SLC12A7: variants seen among roughly 807,000 people sequenced by gnomAD.
SLC12A7 encodes K-Cl cotransporter 4.
A neutral mutation model predicts 120.6 loss-of-function variants in SLC12A7; 100 were observed. The observed-to-expected ratio is 0.83, with a 90% CI of 0.71 to 0.98. SLC12A7 has a LOEUF of 0.98. Among genes scored for constraint, SLC12A7 ranks in the 50% least tolerant of loss-of-function variants. The pLI, the probability that SLC12A7 is intolerant of heterozygous loss-of-function variation, is 0.00. For synonymous variants in SLC12A7, 760 were observed against 678.0 expected (o/e 1.12, Z -1.88); for missense variants, 1,373 against 1,548.1 (o/e 0.89, Z 1.90).
chr5:1,116,449 G>C (rs1743323745), upstream of SLC12A7, among the ~76,000 whole-genome samples: 3 of 152,236 alleles, frequency 2.0e-5, no homozygotes, highest in South Asian at 6.2e-4. Context: ...TCTGGGAATA[G>C]AAGGGGCCTC....
intron 17 of SLC12A7, among the ~76,000 whole-genome samples, chr5:1,069,028 C>A (rs1737353316): frequency 6.6e-6 from 1 of 152,170 alleles, no homozygotes; most frequent in Non-Finnish European, 1.5e-5. Flanking sequence ...GGGACCAGGA[C>A]CGTGAACATC....
chr5:1,095,894 C>T (rs13186688), intron 1 of SLC12A7, among the ~76,000 whole-genome samples: 47,722 of 152,046 alleles, frequency 0.31, 9,339 homozygotes, highest in Non-Finnish European at 0.44. Flanking sequence ...GTCCTTGGTG[C>T]GACCATGAGT....
chr5:1,093,565 C>A lies in SLC12A7; in HGVS notation c.310G>T (p.Glu104Ter). 1 of 1,605,912 alleles carries A rather than the reference C, an allele frequency of 6.2e-7. No individual in the cohort carries two copies. Residue 104 changes from glutamate (E) to a stop codon, truncating the protein, a stop_gained, in exon 3 of 24, where the codon GAG becomes TAG. Coordinates refer to ENST00000264930, the MANE Select transcript of SLC12A7 (RefSeq NM_006598.3). LOFTEE classifies it high-confidence loss of function. ...NLSQGVVEHE[E>*]DEESRRREAK... ...TCCCGCCGCCGGCTCTCCTCGTCCT[C>A]CTCGTGCTCCACCACGCCCTGGCTC...
the SLC12A7 span, among the ~76,000 whole-genome samples, chr5:1,151,608 C>T: frequency 6.6e-6 from 1 of 152,174 alleles, no homozygotes; most frequent in Non-Finnish European, 1.5e-5. The surrounding 1 kb of genome is among the most constrained non-coding windows in gnomAD (Gnocchi z 6.2). Context: ...GGGTGAAAAC[C>T]ACCAGAACCA....
chr5:1,077,499 C>T (rs181020068), intron 12 of SLC12A7, among the ~76,000 whole-genome samples: 214 of 152,326 alleles, frequency 1.4e-3, no homozygotes, highest in African/African-American at 5.0e-3. Flanking sequence ...AGCTCAGCCA[C>T]ACAGAGAAAG....
chr5:1,053,824 T>C (rs940600798), intron 22 of SLC12A7, among the ~76,000 whole-genome samples: 7 of 152,218 alleles, frequency 4.6e-5, no homozygotes, highest in Admixed American at 1.3e-4. Flanking sequence ...GGCAGAACAG[T>C]GGAAGCCGTC....
At chr5:1,117,687 A>C in the SLC12A7 span, among the ~76,000 whole-genome samples, 3 of 152,192 alleles carry the variant, frequency 2.0e-5, no homozygotes, top group Admixed American at 6.5e-5. The surrounding 1 kb of genome is among the most constrained non-coding windows in gnomAD (Gnocchi z 4.5). Flanking sequence ...TCCGCACAAA[A>C]GGACAGCTTC....
chr5:1,101,656 C>T (rs1381947161), intron 1 of SLC12A7, among the ~76,000 whole-genome samples: 1 of 152,174 alleles, frequency 6.6e-6, no homozygotes, highest in Non-Finnish European at 1.5e-5. Context: ...AAAACGACCC[C>T]AGGTAAGCAA....
At position 1,075,425 on chromosome 5, in the gene SLC12A7, G is replaced by A. The variant is rs1278491757; in HGVS notation, c.1913C>T (p.Ala638Val). The A allele has an allele frequency of 6.2e-6, 10 of 1,612,578 alleles. No homozygotes were observed. The highest frequency in any genetic ancestry group is 2.2e-5 in the South Asian group (2 of 91,078). Reference protein sequence around the residue: ...ALMFICSWYYALSAMLIAGCI... With the variant: ...ALMFICSWYYVLSAMLIAGCI... ...GCCAGCGATGAGCATGGCGGACAGC[G>A]CGTAGTACCAGGAGCAGATGAACAT... The change falls in exon 15 of 24, where the codon GCG becomes GTG. Residue 638 changes from alanine to valine, a missense_variant. By Grantham distance (64) the Ala-to-Val change is moderately conservative. Coordinates refer to ENST00000264930, the MANE Select transcript of SLC12A7 (RefSeq NM_006598.3).
intron 9 of SLC12A7, 117 bp downstream of exon 9, chr5:1,081,460 T>A: frequency 9.4e-7 from 1 of 1,066,568 alleles, no homozygotes; most frequent in East Asian, 2.6e-5. Context: ...GAGTTGAGGC[T>A]GCAGTGAGCC....
At chr5:1,114,552 A>G (rs1411352226), upstream of SLC12A7, among the ~76,000 whole-genome samples, 1 of 152,038 alleles carries the variant, frequency 6.6e-6, no homozygotes, top group Non-Finnish European at 1.5e-5. Flanking sequence ...GCGTTGTGTG[A>G]CTTTCAGTGC....
At chr5:1,124,260 C>T in the SLC12A7 span, among the ~76,000 whole-genome samples, 1 of 152,144 alleles carries the variant, frequency 6.6e-6, no homozygotes, top group Non-Finnish European at 1.5e-5. Flanking sequence ...CTTTCAAAGA[C>T]CACCTAATCC....
intron 3 of SLC12A7, among the ~76,000 whole-genome samples, chr5:1,092,042 G>A (rs908479999): frequency 1.1e-4 from 16 of 152,258 alleles, no homozygotes; most frequent in African/African-American, 3.6e-4. Flanking sequence ...AGCCAGGGCT[G>A]AGGGCCCTCA....
chr5:1,099,636 CCA>C (rs1741800210), intron 1 of SLC12A7, among the ~76,000 whole-genome samples: 2 of 152,238 alleles, frequency 1.3e-5, no homozygotes, highest in Non-Finnish European at 2.9e-5. Flanking sequence ...TGACTTATCT[CCA>C]CATTTAAGGG....
Position 1,086,972 on chromosome 5 carries a change from G to A in SLC12A7, c.606C>T (p.Gly202=), listed in dbSNP as rs754047657. The change falls in exon 6 of 24, where the codon GGC becomes GGT. Residue 202 remains glycine, a synonymous_variant. Coordinates refer to ENST00000264930, the MANE Select transcript of SLC12A7 (RefSeq NM_006598.3). Reference sequence around the variant, plus strand: ...ACGTCGTGCCCAGGTAGAAGCAGAGGCCGACAGCGCCTCCAAACTCGGGTC... The same window carrying A: ...ACGTCGTGCCCAGGTAGAAGCAGAGACCGACAGCGCCTCCAAACTCGGGTC... The part of the protein sequence containing the change: ...SLGPEFGGAV[G]LCFYLGTTFA... 9 of 1,612,738 alleles carry A rather than the reference G, an allele frequency of 5.6e-6. No homozygotes were observed. The highest frequency in any genetic ancestry group is 7.6e-6 in the Non-Finnish European group (9 of 1,180,008).
At chr5:1,141,826 G>C in the SLC12A7 span, among the ~76,000 whole-genome samples, 13 of 152,056 alleles carry the variant, frequency 8.5e-5, no homozygotes, top group African/African-American at 9.6e-5. Context: ...CGCCGGGACA[G>C]ATCAACAGAT....
At chr5:1,132,251 G>A in the SLC12A7 span, among the ~76,000 whole-genome samples, 2 of 152,196 alleles carry the variant, frequency 1.3e-5, no homozygotes, top group East Asian at 3.9e-4. Context: ...CGGCAACGTC[G>A]GGAAGCTACC....
At chr5:1,149,227 G>A in the SLC12A7 span, among the ~76,000 whole-genome samples, 1 of 149,964 alleles carries the variant, frequency 6.7e-6, no homozygotes. Context: ...CCCACAAGCA[G>A]CGCACAAGGG....
In SLC12A7 at chr5:1,064,345, G is replaced by A. The variant is rs192946976; in HGVS notation, c.2438-93C>T. 795 of 1,419,670 alleles carry A rather than the reference G, an allele frequency of 5.6e-4. 1 individual carries two copies. Among genetic ancestry groups the A allele is most frequent in the Non-Finnish European group, 6.8e-4 (727 of 1,071,318 alleles). The allele number at this position is 1,419,670 out of a possible 1,614,324, so 87.9% of individuals were successfully genotyped here. On this transcript the variant is annotated intron_variant, in intron 18 of 23. Coordinates refer to ENST00000264930, the MANE Select transcript of SLC12A7 (RefSeq NM_006598.3). ...TCACAGCCAGTGCAGGGGCGGGCACGGCGAGGCGAGGGGGGTCCCCACAAA... is the reference window on the plus strand; with the variant it reads ...TCACAGCCAGTGCAGGGGCGGGCACAGCGAGGCGAGGGGGGTCCCCACAAA...
Sources: gnomAD v4.1 joint callset for allele counts (sites outside exome capture counted in the v4.1 genomes callset) on GRCh38, gnomAD v4.1.1 for gene constraint, Gnocchi (gnomAD v3.1) non-coding constraint, MANE v1.5 for transcripts, NCBI Gene and HGNC (gene_info 2026-07-23, HGNC 2026-07-21) for gene names.